Variants in RIMBP2 observed in about 807,000 individuals in gnomAD.
The protein encoded by RIMBP2 is RIMS binding protein 2.
In RIMBP2, 48 loss-of-function variants were observed where a neutral mutation model predicts 118.6. The ratio of observed to expected loss-of-function variants is 0.40; its 90% CI spans 0.32 to 0.51. The LOEUF (loss-of-function observed/expected upper bound fraction) is 0.51. Ranked by LOEUF, RIMBP2 falls within the 20% of genes least tolerant of loss-of-function variation. RIMBP2 has a pLI of 0.41. For synonymous variants in RIMBP2, 762 were observed against 742.9 expected (o/e 1.03, Z -0.42); for missense variants, 1,551 against 1,768.3 (o/e 0.88, Z 2.20).
chr12:130,484,803 C>T (rs1170301465), intron 4 of RIMBP2, among the ~76,000 whole-genome samples: 1 of 152,240 alleles, frequency 6.6e-6, no homozygotes, highest in Non-Finnish European at 1.5e-5. Context: ...ATTAAAGAGC[C>T]TGAACACCTG....
intron 2 of RIMBP2, among the ~76,000 whole-genome samples, chr12:130,611,639 C>G (rs554459562): frequency 6.6e-6 from 1 of 152,182 alleles, no homozygotes; most frequent in African/African-American, 2.4e-5. Flanking sequence ...ATTTAGGAAG[C>G]CCTTTGCCTC....
At chr12:130,425,392 T>C (rs10773782) in intron 15 of RIMBP2, 121,679 of 152,756 alleles carry the variant, frequency 0.8, 48,636 homozygotes, top group South Asian at 0.91. Flanking sequence ...CTAGTTAGGC[T>C]GACGTGTCAC....
chr12:130,502,276 G>A (rs1228575269), intron 4 of RIMBP2, among the ~76,000 whole-genome samples: 6 of 152,190 alleles, frequency 3.9e-5, no homozygotes, highest in Admixed American at 3.9e-4. Flanking sequence ...GATGGACTGT[G>A]ACCGCTTCAA....
intron 2 of RIMBP2, among the ~76,000 whole-genome samples, chr12:130,589,875 G>T (rs2059148053): frequency 6.6e-6 from 1 of 152,024 alleles, no homozygotes; most frequent in African/African-American, 2.4e-5. Context: ...AATTACCAGG[G>T]GATTTTTTTA....
chr12:130,465,985 T>C (rs1287732151), intron 6 of RIMBP2: 2 of 152,250 alleles, frequency 1.3e-5, no homozygotes, highest in Admixed American at 6.5e-5. Context: ...TCCTGAGGCT[T>C]GAATGGGATT....
At chr12:130,528,046 G>C (rs2052995343) in intron 2 of RIMBP2, among the ~76,000 whole-genome samples, 1 of 152,138 alleles carries the variant, frequency 6.6e-6, no homozygotes, top group Non-Finnish European at 1.5e-5. Context: ...ATGATTCCTT[G>C]AAGACCTAGA....
rs1010465401 is a variant in RIMBP2 at position 130,576,519 on chromosome 12, A to C, written c.-217+51803T>G. Among the ~76,000 whole-genome samples the C allele has an allele frequency of 1.3e-5, 2 of 152,188 alleles. No homozygotes were observed. Among genetic ancestry groups the C allele is most frequent in the African/African-American group, 4.8e-5 (2 of 41,456 alleles). ...GGAAGCAGATGGCCCCTGCATGTGC[A>C]CTTGCTCATACCCAGAACCAAAGCA... is the stretch of plus-strand genomic sequence containing the variant. On this transcript the variant is annotated intron_variant, in intron 2 of 22. Coordinates refer to ENST00000690449, the MANE Select transcript of RIMBP2 (RefSeq NM_001393629.1). This position sits in a 1 kb window ranked among gnomAD's most constrained non-coding sequence, Gnocchi z 4.2.
intron 1 of RIMBP2, among the ~76,000 whole-genome samples, chr12:130,675,958 G>A (rs972781955): frequency 6.6e-6 from 1 of 152,248 alleles, no homozygotes; most frequent in Admixed American, 6.5e-5. Flanking sequence ...GAGAGCTAGA[G>A]TGTGGGGCTC....
rs2076631094 is a variant in RIMBP2, at chr12:130,424,412, G to A, written c.2859C>T (p.Gly953=). 5 of 1,232,634 alleles carry A rather than the reference G, an allele frequency of 4.1e-6. No homozygotes were observed. The highest frequency in any genetic ancestry group is 1.0e-6 in the Non-Finnish European group (1 of 988,228). The allele number at this position is 1,232,634 out of a possible 1,614,324, so 76.4% of individuals were successfully genotyped here. ...GCCGCCGGGCCAGCAGCGGCCTCGG[G>A]CCCCTCCTGCAGGGACAGTGACCAG... The part of the protein sequence containing the change: ...PGPGHCPCRR[G]PRPLLARRRT... The change falls in exon 16 of 23, where the codon GGC becomes GGT. Residue 953 remains glycine (G), a synonymous_variant. Coordinates refer to ENST00000690449, the MANE Select transcript of RIMBP2 (RefSeq NM_001393629.1). The surrounding 1 kb of genome is among the most constrained non-coding windows in gnomAD (Gnocchi z 9.8).
chr12:130,491,411 G>A (rs117092058), intron 4 of RIMBP2, among the ~76,000 whole-genome samples: 112 of 152,232 alleles, frequency 7.4e-4, no homozygotes, highest in Middle Eastern at 3.4e-3. Context: ...TCATATTTGC[G>A]GGATGTGCTG....
At chr12:130,461,612 C>T (rs894568384) in intron 6 of RIMBP2, among the ~76,000 whole-genome samples, 5 of 152,102 alleles carry the variant, frequency 3.3e-5, no homozygotes, top group South Asian at 2.1e-4. Flanking sequence ...CGGGGCCTGG[C>T]GGGAGGTGTC....
At chr12:130,602,367 C>T (rs1469276242) in intron 2 of RIMBP2, among the ~76,000 whole-genome samples, 2 of 152,212 alleles carry the variant, frequency 1.3e-5, no homozygotes, top group African/African-American at 4.8e-5. Flanking sequence ...CATTCAGCAT[C>T]ATAGGTGGGG....
chr12:130,401,444 T>C (rs1338457947), intron 21 of RIMBP2, among the ~76,000 whole-genome samples: 1 of 151,972 alleles, frequency 6.6e-6, no homozygotes, highest in Non-Finnish European at 1.5e-5. Context: ...GTAGATTTTA[T>C]CACAAAAATT....
At chr12:130,704,750 G>T (rs1021292628) in intron 1 of RIMBP2, among the ~76,000 whole-genome samples, 46 of 152,026 alleles carry the variant, frequency 3.0e-4, no homozygotes, top group Non-Finnish European at 6.5e-4. Context: ...TTCCCAAAGC[G>T]TAGACTGCCA....
intron 1 of RIMBP2, among the ~76,000 whole-genome samples, chr12:130,675,843 G>A (rs892042473): frequency 6.6e-6 from 1 of 152,148 alleles, no homozygotes; most frequent in Non-Finnish European, 1.5e-5. Flanking sequence ...ACATGGAAAC[G>A]CACTGCCATG....
chr12:130,644,627 C>T (rs543880286), intron 1 of RIMBP2, among the ~76,000 whole-genome samples: 6 of 152,192 alleles, frequency 3.9e-5, no homozygotes, highest in Non-Finnish European at 7.3e-5. Flanking sequence ...CCAGGAATTA[C>T]GGGAGACATT....
intron 4 of RIMBP2, among the ~76,000 whole-genome samples, chr12:130,485,702 C>T (rs773810961): frequency 9.8e-5 from 15 of 152,314 alleles, no homozygotes; most frequent in Non-Finnish European, 1.8e-4. Context: ...TACCAGGACT[C>T]GCTAGGTAGA....
At chr12:130,648,494 C>T (rs1257006813) in intron 1 of RIMBP2, among the ~76,000 whole-genome samples, 3 of 145,210 alleles carry the variant, frequency 2.1e-5, no homozygotes, top group African/African-American at 7.4e-5. Context: ...CTAAATCCCC[C>T]AGCAAAATCA....
At chr12:130,664,403 G>GCACGCACGCACGCA (rs1566438880) in intron 1 of RIMBP2, among the ~76,000 whole-genome samples, 1 of 61,694 alleles carries the variant, frequency 1.6e-5, no homozygotes. Flanking sequence ...ACACACGCAC[G>GCACGCACGCACGCA]CACGCACGCA....
Sources: allele counts gnomAD v4.1 joint callset (sites outside exome capture counted in the v4.1 genomes callset), GRCh38; gene constraint gnomAD v4.1.1; non-coding constraint Gnocchi (gnomAD v3.1); transcripts MANE v1.5; gene names NCBI Gene and HGNC (gene_info 2026-07-23, HGNC 2026-07-21).